Variants in ARL8B observed in about 807,000 individuals in gnomAD.
The protein encoded by ARL8B is ADP-ribosylation factor-like protein 8B.
In ARL8B, 9 loss-of-function variants were observed where a neutral mutation model predicts 30.6. The ratio of observed to expected loss-of-function variants is 0.29; its 90% CI spans 0.18 to 0.51. The LOEUF (loss-of-function observed/expected upper bound fraction) is 0.51, where lower values mean the gene tolerates loss of function less well. ARL8B is among the 20% of genes least tolerant of loss of function. The pLI, the probability that ARL8B is intolerant of heterozygous loss-of-function variation, is 0.97. For synonymous variants in ARL8B, 74 were observed against 76.0 expected (o/e 0.97, Z 0.14); for missense variants, 130 against 227.2 (o/e 0.57, Z 2.75).
At chr3:5,129,376 G>A (rs1198181644) in intron 1 of ARL8B, among the ~76,000 whole-genome samples, 5 of 152,090 alleles carry the variant, frequency 3.3e-5, no homozygotes, top group African/African-American at 1.2e-4. Context: ...GTTGGACTTT[G>A]GTTAAGCACT....
chr3:5,174,181 A>G (rs2054704109), intron 5 of ARL8B, 97 bp downstream of exon 5: 1 of 1,222,344 alleles, frequency 8.2e-7, no homozygotes, highest in African/African-American at 1.5e-5. Flanking sequence ...CATTTTTTTT[A>G]GGTAGATAAA....
chr3:5,123,170 C>A (rs6808846), intron 1 of ARL8B, among the ~76,000 whole-genome samples: 1 of 151,976 alleles, frequency 6.6e-6, no homozygotes, highest in Non-Finnish European at 1.5e-5. Flanking sequence ...AGACCAAGCT[C>A]ATTGCTGAGC....
intron 1 of ARL8B, among the ~76,000 whole-genome samples, chr3:5,164,415 T>C (rs1001887881): frequency 6.6e-6 from 1 of 152,226 alleles, no homozygotes; most frequent in Non-Finnish European, 1.5e-5. Flanking sequence ...ATTTAAAATT[T>C]GTTTTATTTG....
At chr3:5,158,015 G>A (rs1262825457) in intron 1 of ARL8B, among the ~76,000 whole-genome samples, 2 of 151,662 alleles carry the variant, frequency 1.3e-5, no homozygotes, top group African/African-American at 2.4e-5. Context: ...TTGCTCTGTT[G>A]CCCAGGCTGG....
chr3:5,178,012 G>T (rs146820545), intron 6 of ARL8B, among the ~76,000 whole-genome samples: 2 of 152,274 alleles, frequency 1.3e-5, no homozygotes, highest in Non-Finnish European at 2.9e-5. Flanking sequence ...TCATCTTTCA[G>T]GCTTGGAGAA....
chr3:5,175,397 C>G (rs2054720667), intron 6 of ARL8B, among the ~76,000 whole-genome samples: 1 of 152,086 alleles, frequency 6.6e-6, no homozygotes, highest in African/African-American at 2.4e-5. Flanking sequence ...TTTTGCAGAG[C>G]TAGTATCCCG....
chr3:5,160,883 C>A (rs1329082557), intron 1 of ARL8B, among the ~76,000 whole-genome samples: 1 of 152,118 alleles, frequency 6.6e-6, no homozygotes, highest in Non-Finnish European at 1.5e-5. Context: ...TGTTATAGAT[C>A]CTGACAGGAT....
At chr3:5,131,696 G>C (rs974543259) in intron 1 of ARL8B, among the ~76,000 whole-genome samples, 1 of 152,042 alleles carries the variant, frequency 6.6e-6, no homozygotes, top group South Asian at 2.1e-4. Context: ...CAGCCTACCC[G>C]TTTCTTAAAA....
intron 1 of ARL8B, among the ~76,000 whole-genome samples, chr3:5,166,356 T>G (rs1394947709): frequency 6.7e-6 from 1 of 148,498 alleles, no homozygotes; most frequent in Non-Finnish European, 1.5e-5. Context: ...TCGTTTTTTT[T>G]TTTTTTTTTT....
intron 1 of ARL8B, among the ~76,000 whole-genome samples, chr3:5,132,384 T>A (rs773047555): frequency 9.2e-5 from 14 of 152,010 alleles, no homozygotes; most frequent in African/African-American, 1.2e-4. Context: ...CCTCAGGCTC[T>A]CCCCACCATG....
intron 1 of ARL8B, among the ~76,000 whole-genome samples, chr3:5,166,292 C>A (rs949633370): frequency 6.6e-6 from 1 of 151,362 alleles, no homozygotes; most frequent in African/African-American, 2.4e-5. Context: ...CCCACCTCGG[C>A]CTCCCAAAGT....
intron 1 of ARL8B, among the ~76,000 whole-genome samples, chr3:5,154,308 TA>T (rs1292726908): frequency 2.0e-5 from 3 of 151,710 alleles, no homozygotes; most frequent in Non-Finnish European, 2.9e-5. Flanking sequence ...GTTCATTTTT[TA>T]AAAAAAAATT....
intron 1 of ARL8B, among the ~76,000 whole-genome samples, chr3:5,129,569 C>G (rs1404889334): frequency 1.3e-5 from 2 of 151,966 alleles, no homozygotes; most frequent in Non-Finnish European, 2.9e-5. Flanking sequence ...GAGACAAGTT[C>G]TTGCTCTGTT....
intron 1 of ARL8B, among the ~76,000 whole-genome samples, chr3:5,131,144 A>G (rs1260943472): frequency 6.6e-6 from 1 of 152,034 alleles, no homozygotes; most frequent in Non-Finnish European, 1.5e-5. Context: ...AACTCCTGTG[A>G]TCTGTCCGCC....
chr3:5,158,703 A>G (rs2054552923), intron 1 of ARL8B, among the ~76,000 whole-genome samples: 1 of 152,192 alleles, frequency 6.6e-6, no homozygotes, highest in African/African-American at 2.4e-5. Context: ...CTCTTAGAGT[A>G]ATTCGAGAGC....
chr3:5,150,874 A>G (rs766498843), intron 1 of ARL8B, among the ~76,000 whole-genome samples: 3 of 152,206 alleles, frequency 2.0e-5, no homozygotes, highest in Non-Finnish European at 2.9e-5. Flanking sequence ...CTTTGAAGTT[A>G]GTGATTCAAT....
At chr3:5,175,902 A>T (rs1478709652) in intron 6 of ARL8B, among the ~76,000 whole-genome samples, 1 of 152,228 alleles carries the variant, frequency 6.6e-6, no homozygotes, top group Admixed American at 6.5e-5. Flanking sequence ...CACCTAATCC[A>T]GTATGACCTT....
Position 5,177,868 on chromosome 3 carries a change from G to A in ARL8B, c.512-796G>A, listed in dbSNP as rs184608609. ...TGTGCACTGTTGTCCCCATTTTAAG[G>A]TGCAGAGGTGCTTCTTCAGTAGTTG... On this transcript the variant is annotated intron_variant, in intron 6 of 6. Transcript: ENST00000256496. 6.2e-4 allele frequency among the ~76,000 whole-genome samples: 95 copies of A among 152,290 alleles called. 1 individual carries two copies. Among genetic ancestry groups the A allele is most frequent in the South Asian group, 4.4e-3 (21 of 4,822 alleles).
intron 4 of ARL8B, among the ~76,000 whole-genome samples, chr3:5,173,341 C>T (rs1487414892): frequency 6.6e-6 from 1 of 152,178 alleles, no homozygotes; most frequent in East Asian, 1.9e-4. Flanking sequence ...ATTAGGAATG[C>T]TCAACCAGTA....
Sources: gnomAD v4.1 joint callset for allele counts (sites outside exome capture counted in the v4.1 genomes callset) on GRCh38, gnomAD v4.1.1 for gene constraint, MANE v1.5 for transcripts, NCBI Gene and HGNC (gene_info 2026-07-23, HGNC 2026-07-21) for gene names.